Variants in PRKCE observed in about 807,000 individuals in gnomAD.
PRKCE encodes the protein protein kinase C epsilon.
A neutral mutation model predicts 85.4 loss-of-function variants in PRKCE; 16 were observed. The observed-to-expected ratio is 0.19, with a 90% CI of 0.13 to 0.28. The LOEUF is 0.28. Among genes scored for constraint, PRKCE ranks in the 10% least tolerant of loss-of-function variants. The pLI is 1.00. For missense variants in PRKCE, 573 were observed against 975.2 expected (o/e 0.59, Z 5.49); for synonymous variants, 388 against 371.5 (o/e 1.04, Z -0.51).
chr2:45,953,045 T>C (rs1045274460), intron 2 of PRKCE, among the ~76,000 whole-genome samples: 1 of 152,178 alleles, frequency 6.6e-6, no homozygotes, highest in African/African-American at 2.4e-5. Flanking sequence ...GATAATGAAA[T>C]GCTTAAATAA....
intron 13 of PRKCE, among the ~76,000 whole-genome samples, chr2:46,153,781 C>CTTT (rs70937993): frequency 2.4e-3 from 182 of 75,906 alleles, no homozygotes; most frequent in Middle Eastern, 6.7e-3. Flanking sequence ...TCTTCTTCTT[C>CTTT]TTTTTTTTTT....
chr2:45,760,793 C>T (rs1343201065), intron 1 of PRKCE, among the ~76,000 whole-genome samples: 1 of 152,118 alleles, frequency 6.6e-6, no homozygotes, highest in Non-Finnish European at 1.5e-5. Context: ...CCCTGGGTTC[C>T]CACTTTCCAT....
chr2:45,996,799 T>C (rs887990891), intron 6 of PRKCE, among the ~76,000 whole-genome samples: 11 of 152,188 alleles, frequency 7.2e-5, no homozygotes, highest in Admixed American at 2.0e-4. Context: ...CTGTAGATTT[T>C]ATAATATCTT....
At chr2:45,878,970 C>T (rs747574975) in intron 2 of PRKCE, among the ~76,000 whole-genome samples, 13 of 152,112 alleles carry the variant, frequency 8.5e-5, no homozygotes, top group South Asian at 2.1e-4. Flanking sequence ...AGGGACAGGA[C>T]GCAGAGAAAT....
At chr2:45,981,173 G>A (rs899743754) in intron 5 of PRKCE, among the ~76,000 whole-genome samples, 1 of 152,222 alleles carries the variant, frequency 6.6e-6, no homozygotes, top group African/African-American at 2.4e-5. Context: ...TTACGAGAAT[G>A]ATAGTCCCAC....
chr2:46,023,853 A>G (rs1455452257), intron 10 of PRKCE, among the ~76,000 whole-genome samples: 1 of 151,306 alleles, frequency 6.6e-6, no homozygotes, highest in Non-Finnish European at 1.5e-5. Context: ...CTTCAATTTC[A>G]GGGTCATCTT....
intron 10 of PRKCE, among the ~76,000 whole-genome samples, chr2:46,039,358 C>G (rs1708083166): frequency 6.6e-6 from 1 of 152,194 alleles, no homozygotes; most frequent in Admixed American, 6.5e-5. Context: ...AGCCAGCTGT[C>G]AGTTCTCTGC....
intron 11 of PRKCE, among the ~76,000 whole-genome samples, chr2:46,103,348 C>A (rs902797827): frequency 1.3e-5 from 2 of 152,100 alleles, no homozygotes; most frequent in African/African-American, 4.8e-5. Context: ...CCTAAGGATC[C>A]CTGGCTTCTT....
At chr2:46,022,292 G>A (rs562927063) in intron 10 of PRKCE, among the ~76,000 whole-genome samples, 2 of 152,266 alleles carry the variant, frequency 1.3e-5, no homozygotes, top group South Asian at 2.1e-4. Flanking sequence ...TCAACTACAT[G>A]ACCTATACGA....
chr2:46,134,112 A>G (rs190074983), intron 11 of PRKCE, among the ~76,000 whole-genome samples: 1 of 152,214 alleles, frequency 6.6e-6, no homozygotes, highest in African/African-American at 2.4e-5. Flanking sequence ...TACTCATTCC[A>G]TACATTATCT....
chr2:45,852,666 C>G (rs574455750), intron 2 of PRKCE, among the ~76,000 whole-genome samples: 56 of 152,248 alleles, frequency 3.7e-4, no homozygotes, highest in South Asian at 1.0e-3. Context: ...AGTTCTGAGT[C>G]AAAACCAAGA....
At chr2:45,810,196 A>C (rs925199618) in intron 1 of PRKCE, among the ~76,000 whole-genome samples, 1 of 151,826 alleles carries the variant, frequency 6.6e-6, no homozygotes, top group Non-Finnish European at 1.5e-5. Context: ...GCCTACCACC[A>C]TGCCCGGCTA....
chr2:46,171,666 C>T (rs1678913326), intron 14 of PRKCE, among the ~76,000 whole-genome samples: 1 of 152,176 alleles, frequency 6.6e-6, no homozygotes, highest in African/African-American at 2.4e-5. Flanking sequence ...GATGTGATCA[C>T]AGCACTCTCC....
At chr2:46,058,864 A>G (rs1045106290) in intron 10 of PRKCE, among the ~76,000 whole-genome samples, 4 of 152,136 alleles carry the variant, frequency 2.6e-5, no homozygotes, top group Non-Finnish European at 5.9e-5. Context: ...CACTCAGCTA[A>G]TTTTTAAAAT....
At chr2:46,167,473 C>T (rs146567569) in intron 14 of PRKCE, among the ~76,000 whole-genome samples, 52 of 152,224 alleles carry the variant, frequency 3.4e-4, no homozygotes, top group Non-Finnish European at 2.2e-4. Flanking sequence ...AAGGGGCTGA[C>T]GGGCCAGGAG....
chr2:45,683,977 T>C (rs1166691789), intron 1 of PRKCE, among the ~76,000 whole-genome samples: 1 of 152,234 alleles, frequency 6.6e-6, no homozygotes, highest in Middle Eastern at 3.2e-3. Context: ...ACTTATTAGC[T>C]GGAAGTTTCA....
intron 11 of PRKCE, among the ~76,000 whole-genome samples, chr2:46,141,604 T>G (rs954636260): frequency 6.6e-6 from 1 of 152,150 alleles, no homozygotes; most frequent in Non-Finnish European, 1.5e-5. Flanking sequence ...AAAAATTGAA[T>G]GAAACTTTAA....
chr2:46,034,896 G>A (rs1320964358), intron 10 of PRKCE, among the ~76,000 whole-genome samples: 1 of 152,392 alleles, frequency 6.6e-6, no homozygotes, highest in East Asian at 1.9e-4. Context: ...ACCATTCTGA[G>A]ACTGCTAGCT....
chr2:45,878,213 C>G (rs553478097), intron 2 of PRKCE, among the ~76,000 whole-genome samples: 1 of 152,242 alleles, frequency 6.6e-6, no homozygotes, highest in Non-Finnish European at 1.5e-5. Context: ...CACCTTGTTT[C>G]CTTGTAGACT....
Sources: gnomAD v4.1 joint callset for allele counts (sites outside exome capture counted in the v4.1 genomes callset) on GRCh38, gnomAD v4.1.1 for gene constraint, MANE v1.5 for transcripts, NCBI Gene and HGNC (gene_info 2026-07-23, HGNC 2026-07-21) for gene names.